Variants in PTPRD observed in about 807,000 individuals in gnomAD.
The protein encoded by PTPRD is protein tyrosine phosphatase receptor type D, also known as receptor-type tyrosine-protein phosphatase delta.
A neutral mutation model predicts 214.5 loss-of-function variants in PTPRD; 34 were observed. The ratio of observed to expected loss-of-function variants is 0.16; its 90% CI spans 0.12 to 0.21. The LOEUF (loss-of-function observed/expected upper bound fraction) is 0.21. Among genes scored for constraint, PTPRD ranks in the 10% least tolerant of loss-of-function variants. The pLI, the probability that PTPRD is intolerant of heterozygous loss-of-function variation, is 1.00. For missense variants in PTPRD, 2,545 were observed against 2,398.7 expected (o/e 1.06, Z -1.27); for synonymous variants, 1,128 against 845.7 (o/e 1.33, Z -5.79).
chr9:10,423,576 G>C (rs540823774), intron 2 of PTPRD, among the ~76,000 whole-genome samples: 2 of 152,014 alleles, frequency 1.3e-5, no homozygotes, highest in East Asian at 3.9e-4. Flanking sequence ...ATTTCTCCGA[G>C]ACAGTGCCAG....
At chr9:9,824,337 C>T (rs988150182) in intron 5 of PTPRD, among the ~76,000 whole-genome samples, 2 of 151,910 alleles carry the variant, frequency 1.3e-5, no homozygotes, top group African/African-American at 4.8e-5. Context: ...TTATATTAAA[C>T]TACATAATTT....
intron 5 of PTPRD, among the ~76,000 whole-genome samples, chr9:9,772,553 A>C (rs2098760589): frequency 6.7e-6 from 1 of 148,314 alleles, no homozygotes; most frequent in Non-Finnish European, 1.5e-5. Context: ...ATCAGTGGAC[A>C]CAAGCTTCTC....
intron 9 of PTPRD, among the ~76,000 whole-genome samples, chr9:9,378,334 T>C (rs770881994): frequency 1.3e-4 from 20 of 152,178 alleles, no homozygotes; most frequent in Non-Finnish European, 2.2e-4. Flanking sequence ...TTTAAGTTTC[T>C]CCTTGTCTTT....
chr9:8,793,160 T>C (rs192688168), intron 11 of PTPRD, among the ~76,000 whole-genome samples: 5 of 152,360 alleles, frequency 3.3e-5, no homozygotes, highest in African/African-American at 1.2e-4. Context: ...CCTGTCATTG[T>C]AACAGGGTTA....
At chr9:9,166,541 T>C (rs2099904403) in intron 10 of PTPRD, among the ~76,000 whole-genome samples, 1 of 152,150 alleles carries the variant, frequency 6.6e-6, no homozygotes, top group Non-Finnish European at 1.5e-5. Flanking sequence ...TGCTTATGAA[T>C]CCATCATCCC....
chr9:8,416,102 T>C (rs1319609253), intron 35 of PTPRD, among the ~76,000 whole-genome samples: 2 of 152,092 alleles, frequency 1.3e-5, no homozygotes, highest in Non-Finnish European at 2.9e-5. Flanking sequence ...TGAACACATG[T>C]ATACAATCAT....
intron 9 of PTPRD, among the ~76,000 whole-genome samples, chr9:9,327,392 T>C (rs937693851): frequency 1.3e-5 from 2 of 152,164 alleles, no homozygotes; most frequent in Non-Finnish European, 2.9e-5. Context: ...TATTTGACCT[T>C]TGTTCCAGTA....
At chr9:8,728,046 G>A (rs560772747) in intron 12 of PTPRD, among the ~76,000 whole-genome samples, 5 of 152,174 alleles carry the variant, frequency 3.3e-5, no homozygotes, top group South Asian at 4.2e-4. Flanking sequence ...TCGGGAGTTC[G>A]AGACCAGCCT....
At chr9:9,959,296 T>G (rs2094179720) in intron 4 of PTPRD, among the ~76,000 whole-genome samples, 1 of 152,094 alleles carries the variant, frequency 6.6e-6, no homozygotes, top group African/African-American at 2.4e-5. Flanking sequence ...AGGCAAAACT[T>G]GTAGAAATAG....
intron 4 of PTPRD, among the ~76,000 whole-genome samples, chr9:9,984,766 G>C (rs1378732398): frequency 6.6e-6 from 1 of 152,098 alleles, no homozygotes; most frequent in African/African-American, 2.4e-5. Flanking sequence ...GAGAATTAGG[G>C]TGCTGCTGCT....
rs1566623886 is a variant in PTPRD at position 9,947,563 on chromosome 9, TTTA to T, written c.-471-8956_-471-8954del. ...TATAATATATATATTATATATATATTTTATATATATATTATATATATATTATAT... is the reference window on the plus strand; with the variant it reads ...TATAATATATATATTATATATATATTTATATATATTATATATATATTATAT... On this transcript the variant is annotated intron_variant, in intron 4 of 45. Coordinates refer to ENST00000381196, the MANE Select transcript of PTPRD (RefSeq NM_002839.4). Among the ~76,000 whole-genome samples, 72 of 41,076 alleles carry T rather than the reference TTTA, an allele frequency of 1.8e-3. 1 individual carries two copies. Among genetic ancestry groups the T allele is most frequent in the Non-Finnish European group, 2.2e-3 (60 of 26,956 alleles). 26.9% of individuals were successfully genotyped at this position (41,076 alleles called of 152,430 possible). A position where few individuals can be genotyped will look rare whatever the true frequency, so the allele number is the denominator to read the frequency against.
At chr9:8,320,078 G>A in intron 44 of PTPRD, 112 bp from the exon 45 acceptor site, 2 of 1,299,160 alleles carry the variant, frequency 1.5e-6, no homozygotes, top group Non-Finnish European at 2.1e-6. Flanking sequence ...TCTCTTTATA[G>A]CCATATTCAG....
intron 3 of PTPRD, among the ~76,000 whole-genome samples, chr9:10,221,784 TG>T (rs958510859): frequency 6.6e-6 from 1 of 151,398 alleles, no homozygotes; most frequent in African/African-American, 2.4e-5. Context: ...GCTAAAAAAC[TG>T]TTTTTTTTTT....
intron 21 of PTPRD, among the ~76,000 whole-genome samples, chr9:8,513,699 A>C (rs981128952): frequency 1.3e-4 from 20 of 152,078 alleles, no homozygotes; most frequent in African/African-American, 4.8e-4. Flanking sequence ...TTCTTTAGTC[A>C]GTAACTTTCT....
chr9:9,954,302 A>AG (rs1221750830), intron 4 of PTPRD, among the ~76,000 whole-genome samples: 1 of 141,278 alleles, frequency 7.1e-6, no homozygotes, highest in Admixed American at 7.5e-5. Flanking sequence ...CAAAACAAAA[A>AG]AAAAAAAAAA....
At chr9:9,448,027 C>T (rs1305583784) in intron 8 of PTPRD, among the ~76,000 whole-genome samples, 2 of 151,940 alleles carry the variant, frequency 1.3e-5, no homozygotes, top group Non-Finnish European at 2.9e-5. Context: ...AGAGGAGTAG[C>T]ACGAACTGAC....
At chr9:9,153,487 T>G (rs1569555064) in intron 10 of PTPRD, among the ~76,000 whole-genome samples, 1 of 152,174 alleles carries the variant, frequency 6.6e-6, no homozygotes, top group East Asian at 1.9e-4. Flanking sequence ...ACATAAAAAT[T>G]ATGAAATTTA....
chr9:9,551,489 A>AAT (rs144744674), intron 8 of PTPRD, among the ~76,000 whole-genome samples: 14,930 of 151,732 alleles, frequency 0.098, 906 homozygotes, highest in Non-Finnish European at 0.13. Flanking sequence ...ATGGTAATAG[A>AAT]ATATATATAT....
Position 9,934,596 on chromosome 9 carries a change from C to A in PTPRD, c.-368+3911G>T, listed in dbSNP as rs2088368247. Among the ~76,000 whole-genome samples, 3 of 151,094 alleles carry A rather than the reference C, an allele frequency of 2.0e-5. No individual in the cohort carries two copies. The South Asian group carries it at 6.3e-4, about 32-fold the overall frequency. Reference sequence around the variant, plus strand: ...ATGGCAATAATCAATAGCTTACCAACCAAAAAGAGTCCAGGACCAGATGGA... The same window carrying A: ...ATGGCAATAATCAATAGCTTACCAAACAAAAAGAGTCCAGGACCAGATGGA... On this transcript the variant is annotated intron_variant, in intron 5 of 45. Transcript: ENST00000381196.
Sources: gnomAD v4.1 joint callset for allele counts (sites outside exome capture counted in the v4.1 genomes callset) on GRCh38, gnomAD v4.1.1 for gene constraint, MANE v1.5 for transcripts, NCBI Gene and HGNC (gene_info 2026-07-23, HGNC 2026-07-21) for gene names.